Variants in MNAT1 observed in about 807,000 individuals in gnomAD.
MNAT1 encodes the protein MNAT1 component of CDK activating kinase.
Under a neutral mutation model 42.0 loss-of-function variants are expected in MNAT1, and 43 were observed. The ratio of observed to expected loss-of-function variants is 1.02; its 90% CI spans 0.80 to 1.32. MNAT1 has a LOEUF of 1.32. MNAT1 is among the 40% of genes most tolerant of loss of function. MNAT1 has a pLI of 0.00. For missense variants in MNAT1, 306 were observed against 350.4 expected, an observed-to-expected ratio of 0.87 and a Z score of 1.01; for synonymous variants, 118 against 120.0, an observed-to-expected ratio of 0.98 and a Z score of 0.11.
At chr14:60,925,019 C>T (rs1330043505) in intron 7 of MNAT1, among the ~76,000 whole-genome samples, 2 of 152,160 alleles carry the variant, frequency 1.3e-5, no homozygotes, top group African/African-American at 4.8e-5. Context: ...AACTCAGATA[C>T]AGTTGGCTGT....
At chr14:60,859,829 TGAGTG>T (rs2034052291) in intron 6 of MNAT1, among the ~76,000 whole-genome samples, 1 of 152,170 alleles carries the variant, frequency 6.6e-6, no homozygotes, top group Admixed American at 6.5e-5. Context: ...ATAGTAGGTT[TGAGTG>T]GAGTGTTTTC....
chr14:60,761,361 A>T (rs944692225), intron 1 of MNAT1, among the ~76,000 whole-genome samples: 2 of 152,214 alleles, frequency 1.3e-5, no homozygotes, highest in Non-Finnish European at 2.9e-5. Flanking sequence ...AACTAAGACA[A>T]ACATTTCAGG....
chr14:60,855,897 G>A (rs1369216297), intron 6 of MNAT1, among the ~76,000 whole-genome samples: 1 of 152,158 alleles, frequency 6.6e-6, no homozygotes, highest in African/African-American at 2.4e-5. Flanking sequence ...ATCGATAAAT[G>A]TTGCGTGTGT....
At chr14:60,834,111 C>T (rs745568835) in intron 6 of MNAT1, among the ~76,000 whole-genome samples, 9 of 151,998 alleles carry the variant, frequency 5.9e-5, no homozygotes, top group Non-Finnish European at 1.3e-4. Flanking sequence ...TTAATCTTTT[C>T]AAAAAACCAG....
At chr14:60,936,495 G>C (rs548655740) in intron 7 of MNAT1, among the ~76,000 whole-genome samples, 1 of 150,592 alleles carries the variant, frequency 6.6e-6, no homozygotes, top group Admixed American at 6.7e-5. Context: ...TTGTCCTTGC[G>C]ATAGTTTGCT....
At chr14:60,905,545 G>A (rs1482988676) in intron 7 of MNAT1, among the ~76,000 whole-genome samples, 2 of 152,184 alleles carry the variant, frequency 1.3e-5, no homozygotes, top group Non-Finnish European at 2.9e-5. Context: ...AACCAGGGAA[G>A]TTCATAGTAT....
chr14:60,909,395 G>C (rs955040823), intron 7 of MNAT1, among the ~76,000 whole-genome samples: 2 of 152,042 alleles, frequency 1.3e-5, no homozygotes, highest in Non-Finnish European at 1.5e-5. Flanking sequence ...TGAAGTCCTT[G>C]CCCATGCCTA....
chr14:60,782,912 T>C (rs1015681824), intron 1 of MNAT1, among the ~76,000 whole-genome samples: 1 of 152,228 alleles, frequency 6.6e-6, no homozygotes, highest in Non-Finnish European at 1.5e-5. Flanking sequence ...CTTTGTTCTG[T>C]TGTTTTATGG....
rs144711950 is a variant in MNAT1 at position 60,793,181 on chromosome 14, T to G, written c.90-3036T>G. ...ACCATGCCCGGCTAATTTGTTGGTG[T>G]TGTTGTTGTTGTTTTTTGCTTGTTT... On this transcript the variant is annotated intron_variant, in intron 1 of 7. Transcript: ENST00000261245. Among the ~76,000 whole-genome samples, 1,448 of 150,818 alleles carry G rather than the reference T, an allele frequency of 9.6e-3. 26 individuals carry two copies. Among genetic ancestry groups the G allele is most frequent in the African/African-American group, 0.031 (1,287 of 41,092 alleles).
intron 7 of MNAT1, among the ~76,000 whole-genome samples, chr14:60,916,802 A>G (rs935775330): frequency 4.6e-5 from 7 of 152,246 alleles, no homozygotes; most frequent in African/African-American, 1.7e-4. Context: ...AATATAAAAA[A>G]ATTAGCCAGG....
At chr14:60,873,663 G>A (rs971893565) in intron 6 of MNAT1, among the ~76,000 whole-genome samples, 1 of 147,438 alleles carries the variant, frequency 6.8e-6, no homozygotes, top group African/African-American at 2.5e-5. Context: ...TTGTAGAGAT[G>A]GCTCACTATG....
At chr14:60,749,666 A>T (rs2029987312) in intron 1 of MNAT1, among the ~76,000 whole-genome samples, 1 of 152,158 alleles carries the variant, frequency 6.6e-6, no homozygotes, top group South Asian at 2.1e-4. Context: ...AAGTAAATTT[A>T]CTCTATAAAG....
At chr14:60,897,620 CA>C (rs1437195908) in intron 7 of MNAT1, among the ~76,000 whole-genome samples, 3 of 152,016 alleles carry the variant, frequency 2.0e-5, no homozygotes, top group Non-Finnish European at 4.4e-5. Context: ...TTTACTGATA[CA>C]TAATATTTTA....
At chr14:60,758,576 C>T (rs551887031) in intron 1 of MNAT1, among the ~76,000 whole-genome samples, 14 of 151,894 alleles carry the variant, frequency 9.2e-5, no homozygotes, top group Middle Eastern at 3.4e-3. Context: ...TGCTTACTAC[C>T]GCCCACTCCT....
At position 60,778,630 on chromosome 14, in the gene MNAT1, C is replaced by T. The variant is rs72722247; in HGVS notation, c.90-17587C>T. ...AGTAATATTGTCTCTTACCAAGAGT[C>T]GCACTTTACAGGAAAGATGTGTAGC... is the stretch of plus-strand genomic sequence containing the variant. On this transcript the variant is annotated intron_variant, in intron 1 of 7. Transcript: ENST00000261245. 2.6e-3 allele frequency among the ~76,000 whole-genome samples: 397 copies of T among 152,292 alleles called. 2 individuals carry two copies. Among genetic ancestry groups the T allele is most frequent in the Non-Finnish European group, 4.7e-3 (318 of 68,008 alleles).
At chr14:60,910,927 A>G (rs923031603) in intron 7 of MNAT1, among the ~76,000 whole-genome samples, 16 of 152,090 alleles carry the variant, frequency 1.1e-4, no homozygotes, top group African/African-American at 3.6e-4. Context: ...ACCTCTGGTA[A>G]AATTCGGCTG....
intron 7 of MNAT1, among the ~76,000 whole-genome samples, chr14:60,949,054 A>G (rs891613476): frequency 6.6e-6 from 1 of 152,228 alleles, no homozygotes; most frequent in Non-Finnish European, 1.5e-5. Flanking sequence ...AATCACATGT[A>G]GAATTAATTT....
rs537044491 is a variant in MNAT1 at position 60,921,903 on chromosome 14, A to G, written c.809+42068A>G. Among the ~76,000 whole-genome samples, 10 of 152,294 alleles carry G rather than the reference A, an allele frequency of 6.6e-5. No homozygotes were observed. The East Asian group carries it at 1.5e-3, about 23-fold the overall frequency. ...TACACAACTCAATATAGTTTTACAT[A>G]CAGTGTTGTATTCAGCACATTTTAA... On this transcript the variant is annotated intron_variant, in intron 7 of 7. Coordinates refer to ENST00000261245, the MANE Select transcript of MNAT1 (RefSeq NM_002431.4).
At chr14:60,768,113 A>G (rs928857795) in intron 1 of MNAT1, among the ~76,000 whole-genome samples, 1 of 151,506 alleles carries the variant, frequency 6.6e-6, no homozygotes, top group African/African-American at 2.4e-5. Context: ...ATTGGCCAGG[A>G]TGGTTTCGAA....
Sources: allele counts gnomAD v4.1 joint callset (sites outside exome capture counted in the v4.1 genomes callset), GRCh38; gene constraint gnomAD v4.1.1; transcripts MANE v1.5; gene names NCBI Gene and HGNC (gene_info 2026-07-23, HGNC 2026-07-21).